The following ADCY5 variants were observed in gnomAD, a reference collection of about 807,000 sequenced individuals.
ADCY5 encodes adenylate cyclase type 5.
ADCY5 carries 30 observed loss-of-function variants against 119.7 expected under a neutral mutation model. The observed-to-expected ratio is 0.25, with a 90% confidence interval of 0.19 to 0.34. The LOEUF (loss-of-function observed/expected upper bound fraction) is 0.34, where lower values mean the gene tolerates loss of function less well. ADCY5 is among the 10% of genes least tolerant of loss of function. The pLI is 1.00. For synonymous variants in ADCY5, 753 were observed against 762.2 expected, an observed-to-expected ratio of 0.99 and a Z score of 0.20; for missense variants, 1,324 against 1,775.2, an observed-to-expected ratio of 0.75 and a Z score of 4.57.
rs780896412 is a variant in ADCY5, at chr3:123,286,821, A to G, written c.3533-12T>C. ...GCCGATGTTGAGCCCTGCAGGGGAC[A>G]GGAATCAGCCACAGTCATCACATCT... On this transcript the variant is annotated splice_polypyrimidine_tract_variant and intron_variant, in intron 19 of 20. Transcript: ENST00000462833. This position sits in a 1 kb window ranked among gnomAD's most constrained non-coding sequence, Gnocchi z 4.2. 1.9e-6 allele frequency: 3 copies of G among 1,586,908 alleles called. No individual in the cohort carries two copies. In the East Asian group the frequency reaches 6.7e-5, roughly 36 times the overall value.
intron 1 of ADCY5, among the ~76,000 whole-genome samples, chr3:123,413,649 A>G (rs931339241): frequency 1.3e-5 from 2 of 152,206 alleles, no homozygotes; most frequent in Non-Finnish European, 2.9e-5. Flanking sequence ...AGGCCCATCC[A>G]AGTCACTCTG....
intron 20 of ADCY5, among the ~76,000 whole-genome samples, chr3:123,285,072 G>C (rs1339987065): frequency 6.6e-6 from 1 of 152,178 alleles, no homozygotes; most frequent in East Asian, 1.9e-4. Context: ...AGTAAGTGCC[G>C]GGGAGCTTTC....
At chr3:123,411,367 A>G (rs1945041706) in intron 1 of ADCY5, among the ~76,000 whole-genome samples, 3 of 152,142 alleles carry the variant, frequency 2.0e-5, no homozygotes, top group Non-Finnish European at 4.4e-5. Flanking sequence ...ATAAGCAGGG[A>G]GCAGACCCCT....
chr3:123,424,207 G>A (rs1945355710), intron 1 of ADCY5, among the ~76,000 whole-genome samples: 1 of 152,222 alleles, frequency 6.6e-6, no homozygotes, highest in South Asian at 2.1e-4. Context: ...GGAATGGTGG[G>A]CAGGGCTGGG....
At chr3:123,329,508 G>A (rs551480035) in intron 5 of ADCY5, among the ~76,000 whole-genome samples, 5 of 152,340 alleles carry the variant, frequency 3.3e-5, no homozygotes, top group South Asian at 2.1e-4. Context: ...GACTGGGAAG[G>A]AAGCCATACA....
At chr3:123,444,320 C>T (rs1435937210) in intron 1 of ADCY5, among the ~76,000 whole-genome samples, 5 of 152,162 alleles carry the variant, frequency 3.3e-5, no homozygotes, top group Non-Finnish European at 7.4e-5. Flanking sequence ...GCTGAGAGGC[C>T]TCGAACAGGG....
chr3:123,349,300 A>G (rs1415444996), intron 2 of ADCY5, among the ~76,000 whole-genome samples: 1 of 152,128 alleles, frequency 6.6e-6, no homozygotes, highest in East Asian at 1.9e-4. Context: ...TGCTTTTCAG[A>G]TCTTTCCCTC....
In ADCY5 at chr3:123,286,675, C is replaced by G. The variant is rs1938788910; in HGVS notation, c.3657+10G>C. ...ATGGGGTGAGGGGTGGTGGATGCTC[C>G]TGCACTCACCTGGATGCGGTCGGGT... On this transcript the variant is annotated intron_variant, in intron 20 of 20. Transcript: ENST00000462833. The surrounding 1 kb of genome is among the most constrained non-coding windows in gnomAD (Gnocchi z 4.2). 6.2e-7 allele frequency: 1 copy of G among 1,603,718 alleles called. No individual in the cohort carries two copies. The highest frequency in any genetic ancestry group is 1.3e-5 in the African/African-American group (1 of 74,696).
chr3:123,337,062 C>T (rs1304932667), intron 3 of ADCY5, among the ~76,000 whole-genome samples: 1 of 152,158 alleles, frequency 6.6e-6, no homozygotes, highest in Non-Finnish European at 1.5e-5. Context: ...TAAAGGTTGC[C>T]TCAAGAAAGC....
intron 1 of ADCY5, among the ~76,000 whole-genome samples, chr3:123,419,601 A>T (rs1945258671): frequency 2.0e-5 from 3 of 152,140 alleles, no homozygotes; most frequent in South Asian, 2.1e-4. Context: ...GTCACATTCC[A>T]GCCTCAACTC....
Position 123,393,095 on chromosome 3 carries a change from C to T in ADCY5, c.1135-40514G>A, listed in dbSNP as rs149166560. ...CAGGCACAGAGGCCCATGTTCCTGC[C>T]ACCTGCTGCCCCGACACACACTGTA... On this transcript the variant is annotated intron_variant, in intron 1 of 20. Transcript: ENST00000462833. Among the ~76,000 whole-genome samples, 82 of 152,246 alleles carry T rather than the reference C, an allele frequency of 5.4e-4. 1 individual carries two copies. In the East Asian group the frequency reaches 0.013, roughly 25 times the overall value.
At chr3:123,421,405 T>C (rs1411153368) in intron 1 of ADCY5, among the ~76,000 whole-genome samples, 1 of 152,144 alleles carries the variant, frequency 6.6e-6, no homozygotes, top group Non-Finnish European at 1.5e-5. Context: ...ACTCAGGTGG[T>C]CTTTAGCCAC....
intron 10 of ADCY5, among the ~76,000 whole-genome samples, chr3:123,318,596 C>T (rs1397292492): frequency 1.3e-5 from 2 of 152,198 alleles, no homozygotes; most frequent in Admixed American, 6.5e-5. Context: ...GCCCATGATA[C>T]CAAGCAGCCA....
intron 12 of ADCY5, among the ~76,000 whole-genome samples, chr3:123,308,098 G>A (rs977238933): frequency 7.1e-6 from 1 of 140,472 alleles, no homozygotes; most frequent in African/African-American, 2.7e-5. Context: ...CAGTGGCATG[G>A]TCTCGGCTCA....
intron 1 of ADCY5, among the ~76,000 whole-genome samples, chr3:123,406,360 CAT>C (rs1216071890): frequency 3.9e-5 from 6 of 152,248 alleles, no homozygotes; most frequent in African/African-American, 1.4e-4. Flanking sequence ...CCCCGCATGG[CAT>C]GGCATGGCAT....
At chr3:123,372,335 A>G (rs941631839) in intron 1 of ADCY5, among the ~76,000 whole-genome samples, 1 of 152,184 alleles carries the variant, frequency 6.6e-6, no homozygotes, top group African/African-American at 2.4e-5. Flanking sequence ...GCAGAGAATG[A>G]CATTCCCCAG....
At chr3:123,326,166 G>C (rs1004550458) in intron 7 of ADCY5, among the ~76,000 whole-genome samples, 1 of 152,206 alleles carries the variant, frequency 6.6e-6, no homozygotes, top group East Asian at 1.9e-4. Context: ...ACACGGCCCG[G>C]GGCCCAAGAG....
At chr3:123,320,823 C>A (rs553710949) in intron 8 of ADCY5, 52 bp from the exon 9 acceptor site, 1 of 1,434,152 alleles carries the variant, frequency 7.0e-7, no homozygotes, top group Non-Finnish European at 9.7e-7. Context: ...ACAGAGAGAA[C>A]TGAAAGCTCA....
intron 1 of ADCY5, 54 bp downstream of exon 1, chr3:123,447,358 A>T (rs1024240445): frequency 6.9e-7 from 1 of 1,444,952 alleles, no homozygotes; most frequent in African/African-American, 1.4e-5. Context: ...TTTGGAGTCC[A>T]GCTGAGGCCT....
Sources: allele counts gnomAD v4.1 joint callset (sites outside exome capture counted in the v4.1 genomes callset), GRCh38; gene constraint gnomAD v4.1.1; non-coding constraint Gnocchi (gnomAD v3.1); transcripts MANE v1.5; gene names NCBI Gene and HGNC (gene_info 2026-07-23, HGNC 2026-07-21).